The following ANAPC10 variants were observed in gnomAD, a reference collection of about 807,000 sequenced individuals.
The protein encoded by ANAPC10 is anaphase promoting complex subunit 10.
In ANAPC10, 12 loss-of-function variants were observed where a neutral mutation model predicts 22.0. The observed-to-expected ratio is 0.55, with a 90% CI of 0.35 to 0.88. The LOEUF (loss-of-function observed/expected upper bound fraction) is 0.88. ANAPC10 is among the 40% of genes least tolerant of loss of function. ANAPC10 has a pLI of 0.01. For synonymous variants in ANAPC10, 65 were observed against 69.5 expected (o/e 0.94, Z 0.32); for missense variants, 188 against 220.9 (o/e 0.85, Z 0.94).
At position 145,076,241 on chromosome 4, in the gene ANAPC10, A is replaced by T. The variant is rs572824534; in HGVS notation, c.206+5419T>A. Among the ~76,000 whole-genome samples the T allele has an allele frequency of 3.3e-5, 5 of 152,202 alleles. No homozygotes were observed. The South Asian group carries it at 1.0e-3, about 31-fold the overall frequency. On this transcript the variant is annotated intron_variant, in intron 3 of 4. Transcript: ENST00000507656. ...GGAAACACTGTGGCCCCTCCAGTAC[A>T]GCAGTTGCTTATCTTGAAGGGCCAG... is the stretch of plus-strand genomic sequence containing the variant.
chr4:145,058,358 A>G (rs1018259111), intron 4 of ANAPC10, among the ~76,000 whole-genome samples: 1 of 152,184 alleles, frequency 6.6e-6, no homozygotes, highest in Non-Finnish European at 1.5e-5. Context: ...CTAAACAGTC[A>G]GTTGAACCAT....
Position 145,021,947 on chromosome 4 carries a change from C to T in ANAPC10, c.328-26344G>A, listed in dbSNP as rs189277948. Among the ~76,000 whole-genome samples, 11 of 152,180 alleles carry T rather than the reference C, an allele frequency of 7.2e-5. No homozygotes were observed. The East Asian group carries it at 1.2e-3, about 16-fold the overall frequency. The stretch of plus-strand genomic sequence containing the variant: ...AGCATCACTAATGATCAGGCAAATG[C>T]GAATTAAAATCACAATGTGACACCA... On this transcript the variant is annotated intron_variant, in intron 4 of 4. Transcript: ENST00000507656.
At chr4:144,999,487 AAGG>A (rs572757060) in intron 4 of ANAPC10, among the ~76,000 whole-genome samples, 2 of 152,326 alleles carry the variant, frequency 1.3e-5, no homozygotes, top group South Asian at 2.1e-4. Context: ...AAGGGATGTG[AAGG>A]AGAACTACAC....
intron 4 of ANAPC10, among the ~76,000 whole-genome samples, chr4:145,051,735 G>A (rs1348829775): frequency 6.6e-6 from 1 of 152,062 alleles, no homozygotes; most frequent in Non-Finnish European, 1.5e-5. Context: ...TACAGTTATT[G>A]TAAAGAGACA....
rs189361431 is a variant in ANAPC10 at position 144,995,286 on chromosome 4, T to C, written c.*87A>G. 1 of 741,464 alleles carries C rather than the reference T, an allele frequency of 1.3e-6. No homozygotes were observed. The highest frequency in any genetic ancestry group is 2.7e-5 in the East Asian group (1 of 36,838). 45.9% of individuals were successfully genotyped at this position (741,464 alleles called of 1,614,324 possible). On this transcript the variant is annotated 3_prime_UTR_variant, in exon 5 of 5. Transcript: ENST00000507656. ...CATATACAAAATTAGATATAACGGA[T>C]GCCTTGTTCAATAAAGGTACATGAT...
chr4:145,017,714 C>T (rs1414213817), intron 4 of ANAPC10, among the ~76,000 whole-genome samples: 2 of 152,054 alleles, frequency 1.3e-5, no homozygotes, highest in African/African-American at 2.4e-5. Flanking sequence ...AGACTTGGAA[C>T]CAACCCAAAT....
intron 4 of ANAPC10, among the ~76,000 whole-genome samples, chr4:145,028,432 T>C (rs1265724867): frequency 6.6e-6 from 1 of 152,168 alleles, no homozygotes; most frequent in East Asian, 1.9e-4. Flanking sequence ...CCTATTGTGG[T>C]ACCTTGTGTG....
intron 3 of ANAPC10, among the ~76,000 whole-genome samples, chr4:145,074,429 A>G (rs1744913153): frequency 6.6e-6 from 1 of 152,114 alleles, no homozygotes; most frequent in African/African-American, 2.4e-5. Context: ...CATGGCTGAT[A>G]GAACAGCACC....
intron 4 of ANAPC10, among the ~76,000 whole-genome samples, chr4:145,025,870 T>G (rs1370673846): frequency 6.6e-6 from 1 of 152,142 alleles, no homozygotes. Context: ...GTTAAAGCCC[T>G]AGATTCTTAC....
intron 4 of ANAPC10, among the ~76,000 whole-genome samples, chr4:144,998,787 T>C (rs758365127): frequency 5.9e-5 from 9 of 151,836 alleles, no homozygotes; most frequent in Non-Finnish European, 1.2e-4. Context: ...CTGAAGGAGA[T>C]AGAGACACAA....
At chr4:145,053,783 GAAAAA>G in intron 4 of ANAPC10, 1 of 509,668 alleles carries the variant, frequency 2.0e-6, no homozygotes, top group Non-Finnish European at 3.5e-6. Context: ...ACATGAGGCT[GAAAAA>G]AAAAAAAGGT....
chr4:145,069,472 T>A (rs112521024), intron 3 of ANAPC10, among the ~76,000 whole-genome samples: 56 of 152,282 alleles, frequency 3.7e-4, no homozygotes, highest in Middle Eastern at 3.4e-3. Context: ...GAACAATTAC[T>A]GGAAAGCAGT....
chr4:145,045,333 A>C (rs1740143148), intron 4 of ANAPC10, among the ~76,000 whole-genome samples: 2 of 152,102 alleles, frequency 1.3e-5, no homozygotes, highest in Admixed American at 1.3e-4. Context: ...AGGTTTCAAA[A>C]GAGCCAAATA....
At chr4:144,998,815 A>T (rs1732041963) in intron 4 of ANAPC10, among the ~76,000 whole-genome samples, 1 of 152,206 alleles carries the variant, frequency 6.6e-6, no homozygotes, top group Non-Finnish European at 1.5e-5. Context: ...TCAAAAAATC[A>T]ATGAATACAG....
At chr4:145,077,173 T>G (rs1745323511) in intron 3 of ANAPC10, among the ~76,000 whole-genome samples, 1 of 152,046 alleles carries the variant, frequency 6.6e-6, no homozygotes, top group Non-Finnish European at 1.5e-5. Flanking sequence ...CACTCCAGCC[T>G]GGGCGACAGA....
In ANAPC10 at chr4:145,051,097, G is replaced by T. The variant is rs1052789281; in HGVS notation, c.327+13475C>A. Among the ~76,000 whole-genome samples, 22 of 152,304 alleles carry T rather than the reference G, an allele frequency of 1.4e-4. No individual in the cohort carries two copies. In the Middle Eastern group the frequency reaches 0.01, roughly 71 times the overall value. On this transcript the variant is annotated intron_variant, in intron 4 of 4. Coordinates refer to ENST00000507656, the MANE Select transcript of ANAPC10 (RefSeq NM_001256706.2). ...GCTGTTGAGTTAAAGTGAGAGATGT[G>T]AAACTCTTCCTTTCACTTAAATAGT...
chr4:145,052,358 A>C (rs1226120434), intron 4 of ANAPC10, among the ~76,000 whole-genome samples: 1 of 152,228 alleles, frequency 6.6e-6, no homozygotes, highest in Non-Finnish European at 1.5e-5. Context: ...ACATCATTAT[A>C]AGCACCATAA....
Position 145,016,252 on chromosome 4 carries a change from A to G in ANAPC10, c.328-20649T>C, listed in dbSNP as rs904778874. On this transcript the variant is annotated intron_variant, in intron 4 of 4. Coordinates refer to ENST00000507656, the MANE Select transcript of ANAPC10 (RefSeq NM_001256706.2). ...TCTCAGCCCAAAATCTCCTTAAGCTAATAAGCAACTTCAGCAGAGTCTCAG... is the reference window on the plus strand; with the variant it reads ...TCTCAGCCCAAAATCTCCTTAAGCTGATAAGCAACTTCAGCAGAGTCTCAG... Among the ~76,000 whole-genome samples the G allele has an allele frequency of 4.3e-4, 65 of 152,314 alleles. 1 individual carries two copies. Among genetic ancestry groups the G allele is most frequent in the African/African-American group, 1.4e-3 (58 of 41,576 alleles).
At chr4:145,047,053 C>A (rs750760998) in intron 4 of ANAPC10, among the ~76,000 whole-genome samples, 1 of 152,032 alleles carries the variant, frequency 6.6e-6, no homozygotes, top group African/African-American at 2.4e-5. Flanking sequence ...TTTTACACTG[C>A]TTATCTAATT....
Sources: gnomAD v4.1 joint callset for allele counts (sites outside exome capture counted in the v4.1 genomes callset) on GRCh38, gnomAD v4.1.1 for gene constraint, MANE v1.5 for transcripts, NCBI Gene and HGNC (gene_info 2026-07-23, HGNC 2026-07-21) for gene names.